The following DCC variants were observed in gnomAD, a reference collection of about 807,000 sequenced individuals.
The protein encoded by DCC is DCC netrin 1 receptor.
In DCC, 58 loss-of-function variants were observed where a neutral mutation model predicts 172.5. The observed-to-expected ratio is 0.34, with a 90% CI of 0.27 to 0.42. The LOEUF (loss-of-function observed/expected upper bound fraction) is 0.42. Ranked by LOEUF, DCC falls within the 10% of genes least tolerant of loss-of-function variation. The probability of loss-of-function intolerance (pLI) is 1.00; values close to 1 mark genes in which losing one functional copy is unlikely to be tolerated. For synonymous variants in DCC, 709 were observed against 644.5 expected, an observed-to-expected ratio of 1.10 and a Z score of -1.52; for missense variants, 1,740 against 1,791.0, an observed-to-expected ratio of 0.97 and a Z score of 0.51.
At chr18:53,141,494 A>T (rs188462781) in intron 7 of DCC, among the ~76,000 whole-genome samples, 1 of 152,342 alleles carries the variant, frequency 6.6e-6, no homozygotes, top group Non-Finnish European at 1.5e-5. Context: ...AGAATCCTAA[A>T]TTGCCGTAAA....
chr18:52,435,950 G>C (rs1269579409), intron 1 of DCC, among the ~76,000 whole-genome samples: 1 of 152,208 alleles, frequency 6.6e-6, no homozygotes, highest in Admixed American at 6.5e-5. Context: ...TAAACGATCA[G>C]ATGACCCATG....
intron 2 of DCC, among the ~76,000 whole-genome samples, chr18:52,766,247 GC>G (rs745495343): frequency 6.6e-6 from 1 of 152,218 alleles, no homozygotes; most frequent in Non-Finnish European, 1.5e-5. Flanking sequence ...CTCTATGCAG[GC>G]CCCATGGCAG....
At chr18:53,487,674 G>A (rs1335425722) in intron 26 of DCC, among the ~76,000 whole-genome samples, 1 of 151,900 alleles carries the variant, frequency 6.6e-6, no homozygotes, top group African/African-American at 2.4e-5. Context: ...TATTTTTGAG[G>A]TAAGGTATAT....
chr18:53,172,055 A>G (rs1478351615), intron 8 of DCC, among the ~76,000 whole-genome samples: 2 of 152,156 alleles, frequency 1.3e-5, no homozygotes, highest in Non-Finnish European at 2.9e-5. Context: ...AATAAATTAA[A>G]TAATTCTAAC....
intron 1 of DCC, among the ~76,000 whole-genome samples, chr18:52,354,495 AG>A (rs1441791228): frequency 1.3e-5 from 2 of 152,156 alleles, no homozygotes; most frequent in Non-Finnish European, 2.9e-5. Flanking sequence ...CCAAAACTGA[AG>A]GTTTTTTTAA....
intron 5 of DCC, 97 bp from the exon 6 acceptor site, chr18:53,063,208 T>C (rs2042520101): frequency 9.3e-7 from 1 of 1,076,148 alleles, no homozygotes; most frequent in African/African-American, 1.6e-5. Context: ...AAATATTTTC[T>C]ATCCCAGAGC....
chr18:53,225,550 GAT>G (rs1193048452), intron 12 of DCC, among the ~76,000 whole-genome samples: 1 of 152,164 alleles, frequency 6.6e-6, no homozygotes, highest in African/African-American at 2.4e-5. Context: ...TCTGGATGCT[GAT>G]ATATTAGTCA....
At chr18:52,910,282 G>A (rs1568181624) in intron 3 of DCC, among the ~76,000 whole-genome samples, 1 of 152,082 alleles carries the variant, frequency 6.6e-6, no homozygotes, top group Admixed American at 6.6e-5. Context: ...AAGTGGGAGA[G>A]TAGTGTTACT....
chr18:53,004,138 T>C (rs373758535), intron 5 of DCC, among the ~76,000 whole-genome samples: 5 of 152,188 alleles, frequency 3.3e-5, no homozygotes, highest in African/African-American at 1.2e-4. Context: ...TGGTTCCTTT[T>C]CAGTGCTGGT....
chr18:52,847,220 T>C (rs942191284), intron 2 of DCC, among the ~76,000 whole-genome samples: 2 of 152,364 alleles, frequency 1.3e-5, no homozygotes, highest in East Asian at 1.9e-4. Flanking sequence ...TATTAATCTC[T>C]GTGTTTCACA....
chr18:52,607,531 T>C (rs993095588), intron 1 of DCC, among the ~76,000 whole-genome samples: 24 of 152,144 alleles, frequency 1.6e-4, no homozygotes, highest in African/African-American at 5.8e-4. Context: ...ATAGCTCAAA[T>C]CTGAACCAGT....
intron 2 of DCC, among the ~76,000 whole-genome samples, chr18:52,903,013 T>C (rs2039831788): frequency 1.3e-5 from 2 of 152,162 alleles, no homozygotes; most frequent in African/African-American, 2.4e-5. Context: ...TTAAGTCTAA[T>C]TATATTAATA....
chr18:52,776,032 G>C (rs536554016), intron 2 of DCC, among the ~76,000 whole-genome samples: 2 of 152,124 alleles, frequency 1.3e-5, no homozygotes, highest in African/African-American at 4.8e-5. Context: ...AGCAGAGTTG[G>C]ATACTGACTT....
At chr18:53,529,378 A>G (rs886218530) in intron 28 of DCC, among the ~76,000 whole-genome samples, 1 of 152,192 alleles carries the variant, frequency 6.6e-6, no homozygotes, top group African/African-American at 2.4e-5. Flanking sequence ...GTCTTGGCCT[A>G]TGCAGAGCTA....
intron 5 of DCC, among the ~76,000 whole-genome samples, chr18:53,053,985 G>C (rs2144047634): frequency 6.6e-6 from 1 of 152,132 alleles, no homozygotes; most frequent in Middle Eastern, 3.4e-3. Flanking sequence ...GAAGAAGAGT[G>C]GTCCCTCAGT....
chr18:52,664,476 C>CTT (rs374796439), intron 1 of DCC, among the ~76,000 whole-genome samples: 10,840 of 111,140 alleles, frequency 0.098, 889 homozygotes, highest in East Asian at 0.13. Context: ...TTTTCTTTTT[C>CTT]TTTTTTTTTT....
At chr18:52,898,938 G>A (rs2039771600) in intron 2 of DCC, among the ~76,000 whole-genome samples, 1 of 152,122 alleles carries the variant, frequency 6.6e-6, no homozygotes, top group African/African-American at 2.4e-5. Flanking sequence ...GTGATGTGAA[G>A]GGAGGATGAG....
At chr18:52,460,703 C>A (rs930480053) in intron 1 of DCC, among the ~76,000 whole-genome samples, 1 of 152,136 alleles carries the variant, frequency 6.6e-6, no homozygotes, top group Non-Finnish European at 1.5e-5. Flanking sequence ...ATTCTGAATA[C>A]TACAGGCAAT....
chr18:53,300,111 G>T (rs949603997), intron 12 of DCC, among the ~76,000 whole-genome samples: 2 of 152,130 alleles, frequency 1.3e-5, no homozygotes, highest in African/African-American at 4.8e-5. Flanking sequence ...CAGATCAATT[G>T]TATGTAACTA....
Sources: gnomAD v4.1 joint callset for allele counts (sites outside exome capture counted in the v4.1 genomes callset) on GRCh38, gnomAD v4.1.1 for gene constraint, MANE v1.5 for transcripts, NCBI Gene and HGNC (gene_info 2026-07-23, HGNC 2026-07-21) for gene names.